Variants in FRYL observed in about 807,000 individuals in gnomAD.
The protein encoded by FRYL is FRY like transcription coactivator.
In FRYL, 150 loss-of-function variants were observed where a neutral mutation model predicts 351.2. The observed-to-expected ratio is 0.43, with a 90% CI of 0.37 to 0.49. FRYL has a LOEUF of 0.49. FRYL is among the 20% of genes least tolerant of loss of function. The pLI is 0.00. For synonymous variants in FRYL, 1,153 were observed against 1,257.1 expected (o/e 0.92, Z 1.75); for missense variants, 3,036 against 3,619.3 (o/e 0.84, Z 4.13).
intron 55 of FRYL, among the ~76,000 whole-genome samples, chr4:48,519,549 T>C (rs1724431754): frequency 6.6e-6 from 1 of 151,644 alleles, no homozygotes; most frequent in Non-Finnish European, 1.5e-5. Context: ...TGTTGCCAGG[T>C]TGGACTGCAG....
intron 2 of FRYL, among the ~76,000 whole-genome samples, chr4:48,687,505 GGTGA>G (rs1560861135): frequency 1.7e-4 from 7 of 40,258 alleles, no homozygotes; most frequent in African/African-American, 5.9e-4. Context: ...GGGGGGGGGG[GGTGA>G]GGGGGGAGGG....
rs116366831 is a variant in FRYL, at chr4:48,726,863, G to A, written c.-383-16165C>T. Among the ~76,000 whole-genome samples the A allele has an allele frequency of 2.5e-3, 377 of 152,242 alleles. 1 individual carries two copies. The highest frequency in any genetic ancestry group is 5.8e-3 in the African/African-American group (239 of 41,544). ...AAATAATAATCTTTGTGTTTTAAGC[G>A]ACTGATAATTGGAGGATTCTTTTCT... On this transcript the variant is annotated intron_variant, in intron 1 of 63. Coordinates refer to ENST00000358350, the MANE Select transcript of FRYL (RefSeq NM_015030.2).
At chr4:48,730,436 T>C (rs927033320) in intron 1 of FRYL, among the ~76,000 whole-genome samples, 3 of 152,270 alleles carry the variant, frequency 2.0e-5, no homozygotes, top group African/African-American at 7.2e-5. Context: ...AATTGTCAGA[T>C]TCACCAAGGT....
chr4:48,533,231 T>C (rs1404149376), intron 49 of FRYL, among the ~76,000 whole-genome samples: 1 of 152,150 alleles, frequency 6.6e-6, no homozygotes, highest in Non-Finnish European at 1.5e-5. Context: ...CAATGTGGTA[T>C]ATGTTTCTAT....
At chr4:48,642,141 G>A (rs1755457714) in intron 3 of FRYL, among the ~76,000 whole-genome samples, 1 of 151,966 alleles carries the variant, frequency 6.6e-6, no homozygotes, top group Non-Finnish European at 1.5e-5. Flanking sequence ...CTGTGTTTGT[G>A]TTAGTACCAG....
intron 1 of FRYL, among the ~76,000 whole-genome samples, chr4:48,743,862 G>A (rs539553742): frequency 7.9e-5 from 12 of 152,204 alleles, no homozygotes; most frequent in African/African-American, 2.6e-4. Context: ...AGCCTACCCC[G>A]CAGATTTTTG....
At position 48,582,676 on chromosome 4, in the gene FRYL, G is replaced by A. The variant is rs747517529; in HGVS notation, c.1807C>T (p.Leu603=). ...RALAFNTLQA[L]MLDFPDWRED... ...CGCCAATCTGGAAAATCAAGCATTA[G>A]TGCCTGCAGAGTATTGAAAGCCAGA... The change falls in exon 20 of 64, where the codon CTA becomes TTA. Residue 603 remains leucine (L), a synonymous_variant. Transcript: ENST00000358350. 1 of 1,614,112 alleles carries A rather than the reference G, an allele frequency of 6.2e-7. No individual in the cohort carries two copies. The highest frequency in any genetic ancestry group is 8.5e-7 in the Non-Finnish European group (1 of 1,179,992).
intron 7 of FRYL, chr4:48,617,542 A>T (rs1318829454): frequency 6.6e-6 from 1 of 151,896 alleles, no homozygotes; most frequent in Non-Finnish European, 1.5e-5. Flanking sequence ...TATTTTGTAG[A>T]GATGGGGTCC....
At chr4:48,691,322 G>C (rs373827505) in intron 2 of FRYL, among the ~76,000 whole-genome samples, 2 of 151,788 alleles carry the variant, frequency 1.3e-5, no homozygotes, top group South Asian at 2.1e-4. Context: ...TTGCAGTAGA[G>C]GCAAAGAACA....
intron 3 of FRYL, among the ~76,000 whole-genome samples, chr4:48,657,514 G>A (rs1036010650): frequency 6.6e-6 from 1 of 151,982 alleles, no homozygotes; most frequent in Non-Finnish European, 1.5e-5. Context: ...CACGGCCACC[G>A]CCTAGAGCTT....
At chr4:48,575,062 C>G (rs1234360662) in intron 25 of FRYL, 55 bp downstream of exon 25, 1 of 1,587,058 alleles carries the variant, frequency 6.3e-7, no homozygotes, top group African/African-American at 1.3e-5. Context: ...ACCACACCTT[C>G]TAAGTAGCAC....
chr4:48,731,310 C>T (rs911959622), intron 1 of FRYL, among the ~76,000 whole-genome samples: 1 of 152,118 alleles, frequency 6.6e-6, no homozygotes, highest in Non-Finnish European at 1.5e-5. Flanking sequence ...GAAAAACATT[C>T]GACGCTCATG....
intron 2 of FRYL, among the ~76,000 whole-genome samples, chr4:48,693,591 G>A (rs748618023): frequency 6.7e-6 from 1 of 150,048 alleles, no homozygotes; most frequent in South Asian, 2.1e-4. Context: ...AGCTTCAACC[G>A]TTGATACAAC....
At chr4:48,678,949 A>T (rs1378969040) in intron 3 of FRYL, among the ~76,000 whole-genome samples, 4 of 151,988 alleles carry the variant, frequency 2.6e-5, no homozygotes, top group Non-Finnish European at 5.9e-5. Context: ...GATAGTCTTT[A>T]AAAAAAAGAA....
intron 3 of FRYL, among the ~76,000 whole-genome samples, chr4:48,679,735 T>C (rs1455015355): frequency 6.6e-6 from 1 of 152,070 alleles, no homozygotes; most frequent in African/African-American, 2.4e-5. Context: ...GATATGCTAA[T>C]AACTCTGGTA....
intron 1 of FRYL, among the ~76,000 whole-genome samples, chr4:48,743,242 C>A (rs1172603750): frequency 1.3e-5 from 2 of 152,042 alleles, no homozygotes; most frequent in Non-Finnish European, 2.9e-5. Flanking sequence ...TCACTAAATT[C>A]TTATCTAGGT....
chr4:48,772,172 G>T (rs1295736445), intron 1 of FRYL, among the ~76,000 whole-genome samples: 1 of 152,212 alleles, frequency 6.6e-6, no homozygotes, highest in Non-Finnish European at 1.5e-5. Flanking sequence ...GAAGGATGCA[G>T]ATTATATTTT....
At chr4:48,527,176 C>T (rs1485385323) in intron 53 of FRYL, among the ~76,000 whole-genome samples, 1 of 152,082 alleles carries the variant, frequency 6.6e-6, no homozygotes, top group African/African-American at 2.4e-5. Flanking sequence ...CATTTGGCTG[C>T]ATATTAGTTT....
At chr4:48,511,069 AC>A (rs1467855862) in intron 57 of FRYL, 85 bp from the exon 58 acceptor site, 11 of 757,772 alleles carry the variant, frequency 1.5e-5, no homozygotes, top group Admixed American at 3.1e-5. Flanking sequence ...AATAGGGTAG[AC>A]TTTTATTTTA....
Sources: allele counts gnomAD v4.1 joint callset (sites outside exome capture counted in the v4.1 genomes callset), GRCh38; gene constraint gnomAD v4.1.1; transcripts MANE v1.5; gene names NCBI Gene and HGNC (gene_info 2026-07-23, HGNC 2026-07-21).